Variants in ANKS1B observed in about 807,000 individuals in gnomAD.
ANKS1B encodes ankyrin repeat and sterile alpha motif domain containing 1B, also known as ankyrin repeat and sterile alpha motif domain-containing protein 1B.
Under a neutral mutation model 148.3 loss-of-function variants are expected in ANKS1B, and 36 were observed. The observed-to-expected ratio is 0.24, with a 90% CI of 0.19 to 0.32. The LOEUF (loss-of-function observed/expected upper bound fraction) is 0.32, where lower values mean the gene tolerates loss of function less well. Among genes scored for constraint, ANKS1B ranks in the 10% least tolerant of loss-of-function variants. ANKS1B has a pLI of 1.00. For missense variants in ANKS1B, 1,157 were observed against 1,542.6 expected, an observed-to-expected ratio of 0.75 and a Z score of 4.19; for synonymous variants, 542 against 560.8, an observed-to-expected ratio of 0.97 and a Z score of 0.47.
chr12:98,886,741 C>T (rs1366426292), intron 17 of ANKS1B, among the ~76,000 whole-genome samples: 1 of 152,072 alleles, frequency 6.6e-6, no homozygotes, highest in Non-Finnish European at 1.5e-5. Context: ...AGGGTGGCCT[C>T]AGACTATACA....
intron 8 of ANKS1B, among the ~76,000 whole-genome samples, chr12:99,656,753 T>C (rs939353390): frequency 6.6e-6 from 1 of 150,972 alleles, no homozygotes; most frequent in South Asian, 2.1e-4. Flanking sequence ...AGACTCAATT[T>C]AAAAAAAAAG....
chr12:99,128,968 T>C (rs899512669), intron 15 of ANKS1B, among the ~76,000 whole-genome samples: 9 of 152,284 alleles, frequency 5.9e-5, no homozygotes, highest in African/African-American at 2.2e-4. Flanking sequence ...CTATGTCTAA[T>C]TCTACATGCA....
At chr12:99,085,086 GATTT>G in intron 15 of ANKS1B, 63 bp from the exon 16 acceptor site, 1 of 1,325,896 alleles carries the variant, frequency 7.5e-7, no homozygotes, top group Non-Finnish European at 1.1e-6. Context: ...AAATAACAAG[GATTT>G]ATTTAATACA....
chr12:99,016,745 A>T (rs4762216), intron 17 of ANKS1B, among the ~76,000 whole-genome samples: 60,996 of 151,888 alleles, frequency 0.4, 12,483 homozygotes, highest in South Asian at 0.51. Context: ...TTTTTAAATA[A>T]TTTTTATCTC....
chr12:99,649,520 C>T (rs191570737), intron 9 of ANKS1B: 7 of 716,310 alleles, frequency 9.8e-6, no homozygotes, highest in African/African-American at 8.8e-5. Flanking sequence ...GTAAGCACCA[C>T]CACAGGTACC....
In ANKS1B at chr12:99,258,127, A is replaced by C. The variant is rs183548312; in HGVS notation, c.1757-11263T>G. Among the ~76,000 whole-genome samples, 269 of 152,358 alleles carry C rather than the reference A, an allele frequency of 1.8e-3. 2 individuals are homozygous for C. Among genetic ancestry groups the C allele is most frequent in the African/African-American group, 6.2e-3 (259 of 41,586 alleles). The stretch of plus-strand genomic sequence containing the variant: ...TCAAAAAAACCACAGTTTATTAGGA[A>C]TCAAAAGTTTTTAACGTGACTCTTT... On this transcript the variant is annotated intron_variant, in intron 12 of 26. Transcript: ENST00000683438.
chr12:99,621,781 A>T lies in ANKS1B; in HGVS notation c.1272+33286T>A, dbSNP rs148599175. 5.5e-3 allele frequency among the ~76,000 whole-genome samples: 841 copies of T among 152,230 alleles called. 12 individuals carry two copies. Among genetic ancestry groups the T allele is most frequent in the African/African-American group, 0.019 (806 of 41,554 alleles). On this transcript the variant is annotated intron_variant, in intron 9 of 26. Transcript: ENST00000683438. Reference sequence around the variant, plus strand: ...CAAGTATTTCTAGAGCTACAAAAAGACTTAGACAGCCACACAATGAAAATA... The same window carrying T: ...CAAGTATTTCTAGAGCTACAAAAAGTCTTAGACAGCCACACAATGAAAATA...
intron 16 of ANKS1B, among the ~76,000 whole-genome samples, chr12:99,082,925 A>T (rs968220222): frequency 4.6e-5 from 7 of 152,156 alleles, no homozygotes; most frequent in Non-Finnish European, 1.5e-5. Flanking sequence ...AGCAGTATGG[A>T]AGCCATTGCT....
At chr12:99,123,279 G>A (rs1360793070) in intron 15 of ANKS1B, among the ~76,000 whole-genome samples, 1 of 152,068 alleles carries the variant, frequency 6.6e-6, no homozygotes, top group Non-Finnish European at 1.5e-5. Context: ...TGACATTAGA[G>A]CAGAGATTTC....
intron 8 of ANKS1B, among the ~76,000 whole-genome samples, chr12:99,729,087 G>A (rs1475114419): frequency 1.3e-5 from 2 of 152,164 alleles, no homozygotes; most frequent in Admixed American, 6.5e-5. Context: ...ATATGCCTGT[G>A]TAAAGCAACA....
intron 9 of ANKS1B, among the ~76,000 whole-genome samples, chr12:99,578,639 C>A (rs1052009315): frequency 1.2e-4 from 18 of 152,006 alleles, no homozygotes; most frequent in Admixed American, 6.6e-5. Context: ...ATACAGGTAA[C>A]CAGGGAGGTG....
chr12:99,104,227 T>C (rs1186771034), intron 15 of ANKS1B, among the ~76,000 whole-genome samples: 1 of 152,122 alleles, frequency 6.6e-6, no homozygotes, highest in African/African-American at 2.4e-5. Flanking sequence ...TGAGGGCAAG[T>C]TGGTTACAGA....
At chr12:99,441,499 C>A (rs1013616252) in intron 11 of ANKS1B, among the ~76,000 whole-genome samples, 4 of 151,884 alleles carry the variant, frequency 2.6e-5, no homozygotes, top group African/African-American at 9.7e-5. Context: ...ATAAGTCATG[C>A]ACCAATGTCT....
intron 1 of ANKS1B, among the ~76,000 whole-genome samples, chr12:99,957,003 T>C (rs2095334270): frequency 6.6e-6 from 1 of 152,216 alleles, no homozygotes; most frequent in Admixed American, 6.5e-5. Context: ...AAGTGGAGTC[T>C]TACAGAGCTG....
chr12:99,037,664 A>G (rs1177414947), intron 17 of ANKS1B, among the ~76,000 whole-genome samples: 2 of 152,224 alleles, frequency 1.3e-5, no homozygotes. Context: ...TAAGGAAGTC[A>G]CTGTGTTTTA....
intron 8 of ANKS1B, among the ~76,000 whole-genome samples, chr12:99,676,264 G>T (rs1213076359): frequency 6.6e-6 from 1 of 151,808 alleles, no homozygotes; most frequent in Non-Finnish European, 1.5e-5. Context: ...CCCAGTCTTG[G>T]GTATGTCTTG....
chr12:99,871,341 T>C (rs999681665), intron 1 of ANKS1B, among the ~76,000 whole-genome samples: 2 of 152,190 alleles, frequency 1.3e-5, no homozygotes, highest in East Asian at 1.9e-4. Flanking sequence ...ACTCCAATAA[T>C]GTGATGACTC....
At chr12:99,978,171 A>G (rs746627783) in intron 1 of ANKS1B, among the ~76,000 whole-genome samples, 4 of 152,244 alleles carry the variant, frequency 2.6e-5, no homozygotes, top group Non-Finnish European at 4.4e-5. Context: ...CAGCAGAGGC[A>G]CTAATAAATA....
chr12:99,483,887 T>C (rs1198730344), intron 10 of ANKS1B, among the ~76,000 whole-genome samples: 1 of 152,062 alleles, frequency 6.6e-6, no homozygotes, highest in African/African-American at 2.4e-5. Flanking sequence ...GAATCTTCTC[T>C]CTTCCTCACC....
Sources: gnomAD v4.1 joint callset for allele counts (sites outside exome capture counted in the v4.1 genomes callset) on GRCh38, gnomAD v4.1.1 for gene constraint, MANE v1.5 for transcripts, NCBI Gene and HGNC (gene_info 2026-07-23, HGNC 2026-07-21) for gene names.